Variants in HS6ST1 observed in about 807,000 individuals in gnomAD.
HS6ST1 encodes the protein heparan-sulfate 6-O-sulfotransferase 1.
A neutral mutation model predicts 25.2 loss-of-function variants in HS6ST1; 3 were observed. The observed-to-expected ratio is 0.12, with a 90% CI of 0.05 to 0.31. The LOEUF (loss-of-function observed/expected upper bound fraction) is 0.31. Ranked by LOEUF, HS6ST1 falls within the 10% of genes least tolerant of loss-of-function variation. The pLI, the probability that HS6ST1 is intolerant of heterozygous loss-of-function variation, is 1.00. For synonymous variants in HS6ST1, 204 were observed against 275.1 expected (o/e 0.74, Z 2.56); for missense variants, 310 against 609.6 (o/e 0.51, Z 5.18).
intron 1 of HS6ST1, among the ~76,000 whole-genome samples, chr2:128,277,464 C>A (rs1028815251): frequency 1.3e-5 from 2 of 152,234 alleles, no homozygotes; most frequent in Admixed American, 6.5e-5. Context: ...CTGCTCACTA[C>A]CACCATCCAG....
chr2:128,269,054 G>C (rs544963754), intron 1 of HS6ST1, among the ~76,000 whole-genome samples, 184 bp from the exon 2 acceptor site: 16 of 152,224 alleles, frequency 1.1e-4, no homozygotes, highest in African/African-American at 3.9e-4. Flanking sequence ...AGCATGCCAC[G>C]GTCACATGGC....
At position 128,267,504 on chromosome 2, in the gene HS6ST1, G is replaced by A. The variant is rs1693537403; in HGVS notation, c.*658C>T. 1 of 153,936 alleles carries A rather than the reference G, an allele frequency of 6.5e-6. No homozygotes were observed. The highest frequency in any genetic ancestry group is 2.0e-4 in the South Asian group (1 of 4,898). The allele number at this position is 153,936 out of a possible 1,614,324, so 9.5% of individuals were successfully genotyped here. A position where few individuals can be genotyped will look rare whatever the true frequency, so the allele number is the denominator to read the frequency against. On this transcript the variant is annotated 3_prime_UTR_variant, in exon 2 of 2. Transcript: ENST00000259241. ...GGGTGGGGCCTGAACATCAGCTTTG[G>A]CCTCCTGACCCAAAGCATGAAGCAG... is the stretch of plus-strand genomic sequence containing the variant.
At chr2:128,300,767 C>A (rs1694113754) in intron 1 of HS6ST1, among the ~76,000 whole-genome samples, 1 of 152,222 alleles carries the variant, frequency 6.6e-6, no homozygotes, top group South Asian at 2.1e-4. Flanking sequence ...CCAGCTGTGC[C>A]CACAGTCAAT....
rs142482987 is a variant in HS6ST1 at position 128,289,180 on chromosome 2, GC to G, written c.528-20311del. Among the ~76,000 whole-genome samples, 756 of 152,190 alleles carry G rather than the reference GC, an allele frequency of 5.0e-3. 5 individuals are homozygous for G. The highest frequency in any genetic ancestry group is 0.018 in the African/African-American group (735 of 41,516). ...CAGTATCCAACTCTATACTCCCATG[GC>G]CCTGGCTCTACTTACAAGGAGGGCG... On this transcript the variant is annotated intron_variant, in intron 1 of 1. Coordinates refer to ENST00000259241, the MANE Select transcript of HS6ST1 (RefSeq NM_004807.3).
At position 128,314,737 on chromosome 2, in the gene HS6ST1, C is replaced by T. The variant is rs57826291; in HGVS notation, c.527+3300G>A. Among the ~76,000 whole-genome samples the T allele has an allele frequency of 6.6e-3, 999 of 152,350 alleles. 14 individuals are homozygous for T. The highest frequency in any genetic ancestry group is 0.022 in the African/African-American group (900 of 41,586). ...ACAGAGGCTGCGAGCCCACTAAGGGCTCCAGAGAGGCCCTGGTGCAGAGAG... is the reference window on the plus strand; with the variant it reads ...ACAGAGGCTGCGAGCCCACTAAGGGTTCCAGAGAGGCCCTGGTGCAGAGAG... On this transcript the variant is annotated intron_variant, in intron 1 of 1. Coordinates refer to ENST00000259241, the MANE Select transcript of HS6ST1 (RefSeq NM_004807.3).
chr2:128,273,604 C>T (rs912302407), intron 1 of HS6ST1, among the ~76,000 whole-genome samples: 20 of 152,228 alleles, frequency 1.3e-4, no homozygotes, highest in Non-Finnish European at 2.2e-4. Context: ...TCTGCCTTGT[C>T]CCCTTCCCTC....
At chr2:128,287,900 T>C (rs1558873622) in intron 1 of HS6ST1, among the ~76,000 whole-genome samples, 2 of 152,244 alleles carry the variant, frequency 1.3e-5, no homozygotes. Flanking sequence ...TCGCCGGTCA[T>C]GAAGGCTGCC....
intron 1 of HS6ST1, among the ~76,000 whole-genome samples, chr2:128,269,558 C>T (rs546726902): frequency 2.0e-5 from 3 of 152,346 alleles, no homozygotes; most frequent in Non-Finnish European, 2.9e-5. Context: ...TTGCCAGGCT[C>T]GCTATGACGC....
intron 1 of HS6ST1, among the ~76,000 whole-genome samples, chr2:128,300,194 G>A (rs1325481762): frequency 1.3e-5 from 2 of 152,192 alleles, no homozygotes; most frequent in African/African-American, 4.8e-5. Context: ...CCCAACCCAC[G>A]GCATTAAGCT....
chr2:128,282,754 C>T (rs1035793099), intron 1 of HS6ST1, among the ~76,000 whole-genome samples: 1 of 152,240 alleles, frequency 6.6e-6, no homozygotes, highest in Non-Finnish European at 1.5e-5. Flanking sequence ...GACGCTTGTG[C>T]CTGCCAGGAT....
chr2:128,269,816 ACCC>A (rs1015945346), intron 1 of HS6ST1, among the ~76,000 whole-genome samples: 8 of 151,640 alleles, frequency 5.3e-5, no homozygotes, highest in African/African-American at 1.9e-4. Context: ...AAGGGCCCTG[ACCC>A]CCCGCCAGGA....
chr2:128,280,808 T>A (rs1489973859), intron 1 of HS6ST1, among the ~76,000 whole-genome samples: 5 of 152,168 alleles, frequency 3.3e-5, no homozygotes, highest in Non-Finnish European at 5.9e-5. Flanking sequence ...TCCTCACCCA[T>A]GTGCTTCCTG....
intron 1 of HS6ST1, among the ~76,000 whole-genome samples, chr2:128,304,120 C>T (rs761365826): frequency 2.0e-5 from 3 of 152,240 alleles, no homozygotes; most frequent in Non-Finnish European, 2.9e-5. Flanking sequence ...CGCTGGCTTC[C>T]CTGGTTCTCC....
At chr2:128,276,524 T>TC (rs1226472984) in intron 1 of HS6ST1, among the ~76,000 whole-genome samples, 1 of 152,162 alleles carries the variant, frequency 6.6e-6, no homozygotes, top group East Asian at 1.9e-4. Flanking sequence ...CGCTGGGTGC[T>TC]CACAGTGGCT....
chr2:128,285,701 C>T (rs1285714553), intron 1 of HS6ST1, among the ~76,000 whole-genome samples: 3 of 152,200 alleles, frequency 2.0e-5, no homozygotes, highest in Non-Finnish European at 2.9e-5. Flanking sequence ...GCCTGGGGGT[C>T]CATACACTGT....
chr2:128,291,272 C>T (rs926611271), intron 1 of HS6ST1, among the ~76,000 whole-genome samples: 1 of 152,266 alleles, frequency 6.6e-6, no homozygotes, highest in African/African-American at 2.4e-5. Flanking sequence ...CCCTCTCAGA[C>T]AGCCGGAGTC....
intron 1 of HS6ST1, among the ~76,000 whole-genome samples, chr2:128,309,808 C>T (rs753457917): frequency 1.3e-5 from 2 of 152,220 alleles, no homozygotes; most frequent in African/African-American, 2.4e-5. Context: ...CCCCATGGCA[C>T]GCGGACAGCT....
chr2:128,278,362 C>T (rs1485620906), intron 1 of HS6ST1, among the ~76,000 whole-genome samples: 1 of 152,250 alleles, frequency 6.6e-6, no homozygotes, highest in African/African-American at 2.4e-5. Context: ...AGAAATGAGA[C>T]TTCAAACCTG....
chr2:128,275,469 GGA>G (rs1440052814), intron 1 of HS6ST1, among the ~76,000 whole-genome samples: 2 of 152,196 alleles, frequency 1.3e-5, no homozygotes, highest in Non-Finnish European at 2.9e-5. Flanking sequence ...ATGGTTGTCT[GGA>G]GAGGTTGGAA....
Sources: gnomAD v4.1 joint callset for allele counts (sites outside exome capture counted in the v4.1 genomes callset) on GRCh38, gnomAD v4.1.1 for gene constraint, MANE v1.5 for transcripts, NCBI Gene and HGNC (gene_info 2026-07-23, HGNC 2026-07-21) for gene names.